Variants in FRMD4A observed in about 807,000 individuals in gnomAD.
FRMD4A encodes the protein FERM domain containing 4A, also known as FERM domain-containing protein 4A.
A neutral mutation model predicts 129.1 loss-of-function variants in FRMD4A; 29 were observed. The ratio of observed to expected loss-of-function variants is 0.22; its 90% CI spans 0.17 to 0.31. The LOEUF (loss-of-function observed/expected upper bound fraction) is 0.31. Among genes scored for constraint, FRMD4A ranks in the 10% least tolerant of loss-of-function variants. FRMD4A has a pLI of 1.00. For missense variants in FRMD4A, 1,272 were observed against 1,375.8 expected, an observed-to-expected ratio of 0.92 and a Z score of 1.19; for synonymous variants, 634 against 571.6, an observed-to-expected ratio of 1.11 and a Z score of -1.56.
At chr10:13,661,055 T>C (rs1446251964) in intron 19 of FRMD4A, among the ~76,000 whole-genome samples, 2 of 152,204 alleles carry the variant, frequency 1.3e-5, no homozygotes, top group Non-Finnish European at 2.9e-5. Flanking sequence ...AATGAGGGTC[T>C]ATATGTCCAT....
At chr10:13,793,205 T>C (rs2093041814) in intron 5 of FRMD4A, among the ~76,000 whole-genome samples, 1 of 150,716 alleles carries the variant, frequency 6.6e-6, no homozygotes, top group African/African-American at 2.4e-5. Flanking sequence ...GGGGTCTTGC[T>C]CTGTTGCCTA....
At chr10:13,971,697 G>A in intron 2 of FRMD4A, 1 of 1,304,310 alleles carries the variant, frequency 7.7e-7, no homozygotes, top group Non-Finnish European at 1.0e-6. Flanking sequence ...TTTAGCAGCA[G>A]CTGCAGAACT....
chr10:13,658,280 T>C (rs759875484), intron 21 of FRMD4A, among the ~76,000 whole-genome samples: 11 of 152,192 alleles, frequency 7.2e-5, no homozygotes, highest in Non-Finnish European at 1.3e-4. Flanking sequence ...TCCCCTTTCC[T>C]GTGAAAACTG....
intron 2 of FRMD4A, among the ~76,000 whole-genome samples, chr10:13,980,415 T>G (rs1471082127): frequency 6.6e-6 from 1 of 152,152 alleles, no homozygotes; most frequent in Non-Finnish European, 1.5e-5. Flanking sequence ...TCTCGATCAC[T>G]CCATAAATGG....
At chr10:13,675,307 G>A (rs1184748281) in intron 15 of FRMD4A, among the ~76,000 whole-genome samples, 1 of 152,168 alleles carries the variant, frequency 6.6e-6, no homozygotes, top group Admixed American at 6.5e-5. Flanking sequence ...CTTAAGAAAT[G>A]TCACATACCT....
At chr10:13,971,222 GATAAATC>G (rs2095516277) in intron 2 of FRMD4A, among the ~76,000 whole-genome samples, 1 of 152,214 alleles carries the variant, frequency 6.6e-6, no homozygotes, top group Non-Finnish European at 1.5e-5. Context: ...CGCACGGTTT[GATAAATC>G]ATCCATTGTG....
chr10:14,093,345 C>A (rs978083383), intron 2 of FRMD4A, among the ~76,000 whole-genome samples: 2 of 152,220 alleles, frequency 1.3e-5, no homozygotes, highest in East Asian at 3.9e-4. Flanking sequence ...TTAGAGTCTT[C>A]CCAAAGCAGA....
intron 2 of FRMD4A, among the ~76,000 whole-genome samples, chr10:13,861,902 T>C (rs2094300035): frequency 1.3e-5 from 2 of 152,234 alleles, no homozygotes; most frequent in Admixed American, 1.3e-4. Context: ...GTATAAATGA[T>C]TCCTTCATCA....
chr10:14,312,638 A>G (rs71479870), intron 2 of FRMD4A, among the ~76,000 whole-genome samples: 2,411 of 152,334 alleles, frequency 0.016, 33 homozygotes, highest in African/African-American at 0.026. Flanking sequence ...ATTATGAGTC[A>G]TTCATACAAT....
At chr10:14,031,461 G>GT (rs1439053869) in intron 2 of FRMD4A, among the ~76,000 whole-genome samples, 2 of 151,818 alleles carry the variant, frequency 1.3e-5, no homozygotes, top group African/African-American at 4.8e-5. Context: ...AGAGATGGGG[G>GT]TTCACCATGT....
rs148041767 is a variant in FRMD4A, at chr10:13,915,995, AAC to A, written c.46-57085_46-57084del. Among the ~76,000 whole-genome samples the A allele has an allele frequency of 4.3e-3, 656 of 152,342 alleles. 2 individuals are homozygous for A. The highest frequency in any genetic ancestry group is 0.012 in the Admixed American group (186 of 15,304). On this transcript the variant is annotated intron_variant, in intron 2 of 24. Transcript: ENST00000357447. The stretch of plus-strand genomic sequence containing the variant: ...ACTAGTAATTTGTATTCAGAGAACA[AAC>A]ACAACATTGTCTGAATTCACCACTG...
chr10:14,136,934 T>C (rs1839569304), intron 2 of FRMD4A, among the ~76,000 whole-genome samples: 1 of 152,244 alleles, frequency 6.6e-6, no homozygotes, highest in Non-Finnish European at 1.5e-5. Flanking sequence ...CAAATTGTGG[T>C]ATACCTCCTG....
intron 8 of FRMD4A, among the ~76,000 whole-genome samples, chr10:13,750,373 T>C (rs894258231): frequency 2.4e-4 from 37 of 152,050 alleles, no homozygotes; most frequent in African/African-American, 8.5e-4. Context: ...GTAGAGGATA[T>C]AAAAAATGAT....
At chr10:13,729,735 C>G (rs2090193450) in intron 12 of FRMD4A, among the ~76,000 whole-genome samples, 1 of 152,138 alleles carries the variant, frequency 6.6e-6, no homozygotes, top group Non-Finnish European at 1.5e-5. Flanking sequence ...CCATAGTGCT[C>G]CTAATTGTGC....
intron 2 of FRMD4A, among the ~76,000 whole-genome samples, chr10:14,143,602 T>TTTTTTG (rs1839940174): frequency 6.6e-6 from 1 of 152,144 alleles, no homozygotes; most frequent in Non-Finnish European, 1.5e-5. Context: ...GTTACAATAG[T>TTTTTTG]TTTTTGTTGT....
At chr10:14,025,200 A>T (rs146617188) in intron 2 of FRMD4A, among the ~76,000 whole-genome samples, 1 of 152,290 alleles carries the variant, frequency 6.6e-6, no homozygotes, top group African/African-American at 2.4e-5. Flanking sequence ...TCAAGGAAAA[A>T]ATTTAATATC....
At chr10:14,326,484 T>C in intron 2 of FRMD4A, 1 of 172,000 alleles carries the variant, frequency 5.8e-6, no homozygotes, top group Non-Finnish European at 1.2e-5. Context: ...GTCTTAAAAA[T>C]AGGGTCATGG....
At chr10:14,199,370 T>C (rs999162492) in intron 2 of FRMD4A, among the ~76,000 whole-genome samples, 1 of 151,682 alleles carries the variant, frequency 6.6e-6, no homozygotes, top group African/African-American at 2.4e-5. Flanking sequence ...CAGGCTGGAG[T>C]GCAGTGGCGT....
At chr10:13,958,194 T>G (rs2926875) in intron 2 of FRMD4A, among the ~76,000 whole-genome samples, 121,689 of 151,600 alleles carry the variant, frequency 0.8, 49,455 homozygotes, top group East Asian at 0.98. Context: ...TTCTTTCTCG[T>G]TATCAGCACA....
Sources: allele counts gnomAD v4.1 joint callset (sites outside exome capture counted in the v4.1 genomes callset), GRCh38; gene constraint gnomAD v4.1.1; transcripts MANE v1.5; gene names NCBI Gene and HGNC (gene_info 2026-07-23, HGNC 2026-07-21).